GLG1: variants seen among roughly 807,000 people sequenced by gnomAD.
GLG1 encodes golgi glycoprotein 1.
In GLG1, 38 loss-of-function variants were observed where a neutral mutation model predicts 160.5. The ratio of observed to expected loss-of-function variants is 0.24; its 90% CI spans 0.18 to 0.31. GLG1 has a LOEUF of 0.31. GLG1 is among the 10% of genes least tolerant of loss of function. The probability of loss-of-function intolerance (pLI) is 1.00; values close to 1 mark genes in which losing one functional copy is unlikely to be tolerated. For synonymous variants in GLG1, 644 were observed against 543.4 expected (o/e 1.19, Z -2.57); for missense variants, 1,373 against 1,505.2 (o/e 0.91, Z 1.45).
chr16:74,485,787 A>T lies in GLG1; in HGVS notation c.1571+9T>A, dbSNP rs2015767283. ...AATATGGATAAATACCATGGAGAAGATAACTTACATTGGGTCTCCAGATCT... is the reference window on the plus strand; with the variant it reads ...AATATGGATAAATACCATGGAGAAGTTAACTTACATTGGGTCTCCAGATCT... On this transcript the variant is annotated intron_variant, in intron 9 of 25. Transcript: ENST00000422840. 1.2e-6 allele frequency: 2 copies of T among 1,610,698 alleles called. No individual in the cohort carries two copies. The highest frequency in any genetic ancestry group is 1.7e-6 in the Non-Finnish European group (2 of 1,177,838).
intron 1 of GLG1, among the ~76,000 whole-genome samples, chr16:74,602,934 G>A (rs1262855913): frequency 6.6e-6 from 1 of 152,036 alleles, no homozygotes; most frequent in Non-Finnish European, 1.5e-5. Flanking sequence ...GCCGACGCAG[G>A]CAGATCACCT....
intron 3 of GLG1, among the ~76,000 whole-genome samples, chr16:74,507,163 C>A (rs528283158): frequency 6.6e-6 from 1 of 152,260 alleles, no homozygotes; most frequent in South Asian, 2.1e-4. Flanking sequence ...TTCCCTGACT[C>A]CAGTATAATC....
chr16:74,499,388 A>C lies in GLG1; in HGVS notation c.775-2744T>G, dbSNP rs188675873. The stretch of plus-strand genomic sequence containing the variant: ...CCCAAGCAGCTGGGACTAGAAGCAC[A>C]CACCACCACCCTCAGCTATGGAACA... On this transcript the variant is annotated intron_variant, in intron 4 of 25. Coordinates refer to ENST00000422840, the MANE Select transcript of GLG1 (RefSeq NM_001145667.2). Among the ~76,000 whole-genome samples, 939 of 152,260 alleles carry C rather than the reference A, an allele frequency of 6.2e-3. 2 individuals are homozygous for C. The highest frequency in any genetic ancestry group is 0.017 in the Middle Eastern group (5 of 294).
chr16:74,552,900 G>T (rs2018242171), intron 1 of GLG1, among the ~76,000 whole-genome samples: 1 of 151,848 alleles, frequency 6.6e-6, no homozygotes, highest in African/African-American at 2.4e-5. Flanking sequence ...TGTGTCACAG[G>T]CCCTTATTTT....
chr16:74,585,239 C>T (rs1958021923), intron 1 of GLG1, among the ~76,000 whole-genome samples: 2 of 152,066 alleles, frequency 1.3e-5, no homozygotes, highest in South Asian at 4.2e-4. Flanking sequence ...GAAACCCCAT[C>T]TCTACTAAAA....
intron 23 of GLG1, chr16:74,458,262 T>G: frequency 5.8e-6 from 2 of 346,700 alleles, no homozygotes; most frequent in Non-Finnish European, 5.3e-6. Flanking sequence ...GTTTTTGGCA[T>G]TCCCGTATGT....
chr16:74,527,361 C>T (rs185375781), intron 2 of GLG1, among the ~76,000 whole-genome samples: 6 of 148,460 alleles, frequency 4.0e-5, no homozygotes, highest in Admixed American at 2.1e-4. Flanking sequence ...GTGATTCTCA[C>T]GCCTTGGCCT....
chr16:74,581,480 G>A (rs1302921207), intron 1 of GLG1, among the ~76,000 whole-genome samples: 1 of 148,896 alleles, frequency 6.7e-6, no homozygotes. Flanking sequence ...GGTTGCCAGG[G>A]ACTCTGGAAT....
chr16:74,452,202 T>C lies in GLG1; in HGVS notation c.*965A>G. 1 of 1,550,732 alleles carries C rather than the reference T, an allele frequency of 6.4e-7. No homozygotes were observed. The highest frequency in any genetic ancestry group is 8.7e-7 in the Non-Finnish European group (1 of 1,148,008). On this transcript the variant is annotated 3_prime_UTR_variant, in exon 26 of 26. Coordinates refer to ENST00000422840, the MANE Select transcript of GLG1 (RefSeq NM_001145667.2). ...TGACCCACTGCTCCCCACACCCATC[T>C]TCAAGGACCCCTCCCGCCACAGTCC...
In GLG1 at chr16:74,450,024, A is replaced by G. The variant is rs2014225572; in HGVS notation, c.*3143T>C. The G allele has an allele frequency of 6.6e-6, 1 of 152,386 alleles. No individual in the cohort carries two copies. The highest frequency in any genetic ancestry group is 2.1e-4 in the South Asian group (1 of 4,826). The allele number at this position is 152,386 out of a possible 1,614,324, so 9.4% of individuals were successfully genotyped here. On this transcript the variant is annotated 3_prime_UTR_variant, in exon 26 of 26. Coordinates refer to ENST00000422840, the MANE Select transcript of GLG1 (RefSeq NM_001145667.2). ...AGTACCCCAGAGCCTCCAGCCTGGC[A>G]GTCCGGGCTCCAGGTACCTCTAGAG...
At chr16:74,527,121 A>C (rs1413602735) in intron 2 of GLG1, among the ~76,000 whole-genome samples, 4 of 152,180 alleles carry the variant, frequency 2.6e-5, no homozygotes, top group Admixed American at 6.6e-5. Flanking sequence ...ACACAATATA[A>C]GAATATTCCA....
At chr16:74,598,051 T>C (rs1050610070) in intron 1 of GLG1, among the ~76,000 whole-genome samples, 6 of 151,924 alleles carry the variant, frequency 3.9e-5, no homozygotes, top group African/African-American at 7.3e-5. Flanking sequence ...TCAATAAGAA[T>C]GATAATAATA....
chr16:74,558,543 C>A (rs1292625588), intron 1 of GLG1, among the ~76,000 whole-genome samples: 1 of 152,208 alleles, frequency 6.6e-6, no homozygotes, highest in Non-Finnish European at 1.5e-5. Flanking sequence ...CTGACTTTAA[C>A]CTGCATGGCT....
intron 10 of GLG1, among the ~76,000 whole-genome samples, chr16:74,482,181 A>G (rs2015625548): frequency 6.6e-6 from 1 of 151,964 alleles, no homozygotes; most frequent in African/African-American, 2.4e-5. Context: ...TTATAGAGAC[A>G]AGGTCTTGCT....
chr16:74,471,319 G>T, intron 14 of GLG1, 33 bp from the exon 15 acceptor site: 4 of 1,179,152 alleles, frequency 3.4e-6, no homozygotes, highest in South Asian at 1.2e-5. Context: ...ACACTTCATT[G>T]GTAACAATTA....
intron 1 of GLG1, among the ~76,000 whole-genome samples, chr16:74,596,478 A>C (rs200727257): frequency 6.6e-6 from 1 of 151,540 alleles, no homozygotes; most frequent in Non-Finnish European, 1.5e-5. Context: ...GCAGTGAGCC[A>C]AGATCGTGCC....
chr16:74,580,426 G>T (rs1957912801), intron 1 of GLG1, among the ~76,000 whole-genome samples: 1 of 152,126 alleles, frequency 6.6e-6, no homozygotes, highest in African/African-American at 2.4e-5. Context: ...TTGGGCCCAG[G>T]AGGTCAAGGC....
At chr16:74,596,917 G>C (rs115940463) in intron 1 of GLG1, among the ~76,000 whole-genome samples, 1 of 152,058 alleles carries the variant, frequency 6.6e-6, no homozygotes, top group Non-Finnish European at 1.5e-5. Context: ...AGGAGTTGGA[G>C]ACCAGCCTGG....
chr16:74,578,174 TTATTA>T (rs1462644016), intron 1 of GLG1, among the ~76,000 whole-genome samples: 1 of 152,212 alleles, frequency 6.6e-6, no homozygotes, highest in Non-Finnish European at 1.5e-5. Flanking sequence ...GAAAAACTGT[TTATTA>T]TGAGTATGTG....
Sources: gnomAD v4.1 joint callset for allele counts (sites outside exome capture counted in the v4.1 genomes callset) on GRCh38, gnomAD v4.1.1 for gene constraint, MANE v1.5 for transcripts, NCBI Gene and HGNC (gene_info 2026-07-23, HGNC 2026-07-21) for gene names.